The following STAU2 variants were observed in gnomAD, a reference collection of about 807,000 sequenced individuals.
The protein encoded by STAU2 is staufen double-stranded RNA binding protein 2.
In STAU2, 20 loss-of-function variants were observed where a neutral mutation model predicts 65.9. The observed-to-expected ratio is 0.30, with a 90% confidence interval of 0.21 to 0.44. The LOEUF (loss-of-function observed/expected upper bound fraction) is 0.44, where lower values mean the gene tolerates loss of function less well. Among genes scored for constraint, STAU2 ranks in the 20% least tolerant of loss-of-function variants. STAU2 has a pLI of 1.00. For synonymous variants in STAU2, 232 were observed against 233.9 expected, an observed-to-expected ratio of 0.99 and a Z score of 0.07; for missense variants, 558 against 683.9, an observed-to-expected ratio of 0.82 and a Z score of 2.05.
intron 6 of STAU2, among the ~76,000 whole-genome samples, chr8:73,640,964 TA>T (rs952107736): frequency 1.3e-4 from 19 of 151,710 alleles, no homozygotes; most frequent in African/African-American, 4.4e-4. Context: ...AAAGAAGCAA[TA>T]AAAAAAACAG....
chr8:73,611,794 T>C (rs1047937322), intron 9 of STAU2, among the ~76,000 whole-genome samples: 2 of 152,118 alleles, frequency 1.3e-5, no homozygotes, highest in African/African-American at 2.4e-5. Flanking sequence ...TTCTCATGCC[T>C]CAGCCTCCTG....
intron 13 of STAU2, among the ~76,000 whole-genome samples, chr8:73,430,500 G>A (rs1056637124): frequency 5.9e-5 from 9 of 152,106 alleles, no homozygotes; most frequent in Admixed American, 5.2e-4. Context: ...ATTAAAGAAC[G>A]CTATGGAAAG....
chr8:73,486,499 C>G (rs1820913357), intron 13 of STAU2, among the ~76,000 whole-genome samples: 1 of 151,562 alleles, frequency 6.6e-6, no homozygotes, highest in Admixed American at 6.6e-5. Flanking sequence ...ATACTTCAGA[C>G]TGGTTTTGCA....
chr8:73,658,935 A>AACAAC (rs1181853768), intron 6 of STAU2, among the ~76,000 whole-genome samples: 15 of 36,684 alleles, frequency 4.1e-4, no homozygotes, highest in African/African-American at 6.8e-4. Context: ...CAACAACAAC[A>AACAAC]AAAACAACAA....
chr8:73,668,582 A>G (rs1817409825), intron 6 of STAU2, among the ~76,000 whole-genome samples: 2 of 152,244 alleles, frequency 1.3e-5, no homozygotes, highest in Non-Finnish European at 2.9e-5. Flanking sequence ...GAACAAAAGC[A>G]CGAAGTGTTC....
At chr8:73,546,309 AGT>A (rs1354840222) in intron 13 of STAU2, among the ~76,000 whole-genome samples, 62 of 151,820 alleles carry the variant, frequency 4.1e-4, no homozygotes, top group African/African-American at 1.5e-3. Flanking sequence ...TTGTATATAT[AGT>A]TGAGGGCAGA....
chr8:73,588,939 G>T (rs1390192497), intron 11 of STAU2, among the ~76,000 whole-genome samples: 1 of 151,792 alleles, frequency 6.6e-6, no homozygotes, highest in African/African-American at 2.4e-5. Flanking sequence ...AAAAAATCAA[G>T]AACTATGACA....
chr8:73,533,386 TAA>T (rs1805956831), intron 13 of STAU2, among the ~76,000 whole-genome samples: 1 of 152,224 alleles, frequency 6.6e-6, no homozygotes, highest in African/African-American at 2.4e-5. Flanking sequence ...ACTTTTAAGA[TAA>T]GTTTCCTAGT....
chr8:73,471,495 A>G (rs1413027695), intron 13 of STAU2, among the ~76,000 whole-genome samples: 5 of 144,776 alleles, frequency 3.5e-5, no homozygotes, highest in Non-Finnish European at 7.5e-5. Flanking sequence ...GCCTCATATT[A>G]TAATTCTTGA....
intron 13 of STAU2, chr8:73,440,358 CAT>C (rs1818047373): frequency 6.6e-6 from 1 of 152,204 alleles, no homozygotes; most frequent in African/African-American, 2.4e-5. Flanking sequence ...TTAGATGTCT[CAT>C]AAGCATTTCA....
At chr8:73,718,133 T>C (rs1821385190) in intron 3 of STAU2, among the ~76,000 whole-genome samples, 1 of 152,230 alleles carries the variant, frequency 6.6e-6, no homozygotes, top group East Asian at 1.9e-4. Context: ...TGCTGACATT[T>C]TTGTGAACTG....
intron 3 of STAU2, among the ~76,000 whole-genome samples, chr8:73,734,479 T>C (rs778731659): frequency 1.3e-5 from 2 of 152,132 alleles, no homozygotes; most frequent in Non-Finnish European, 2.9e-5. Context: ...TAGTAACACA[T>C]ATGGAAGAAT....
At chr8:73,641,750 T>C (rs989894326) in intron 6 of STAU2, among the ~76,000 whole-genome samples, 13 of 152,344 alleles carry the variant, frequency 8.5e-5, no homozygotes, top group African/African-American at 3.1e-4. Context: ...GTCATACTTA[T>C]TAACATCCAA....
At chr8:73,481,506 AAC>A (rs1394927179) in intron 13 of STAU2, among the ~76,000 whole-genome samples, 1 of 74,798 alleles carries the variant, frequency 1.3e-5, no homozygotes, top group African/African-American at 5.5e-5. Flanking sequence ...AAGCCAAAAA[AAC>A]AAAAAAACAA....
chr8:73,631,567 T>C (rs1242866917), intron 6 of STAU2, among the ~76,000 whole-genome samples: 1 of 152,190 alleles, frequency 6.6e-6, no homozygotes, highest in African/African-American at 2.4e-5. Flanking sequence ...GTAAAGGCCA[T>C]TTATTTACAT....
chr8:73,728,556 TAA>T (rs1269902040), intron 3 of STAU2, among the ~76,000 whole-genome samples: 1 of 152,126 alleles, frequency 6.6e-6, no homozygotes, highest in Non-Finnish European at 1.5e-5. Flanking sequence ...AACGGCAATG[TAA>T]AGTCTTCCAA....
intron 13 of STAU2, among the ~76,000 whole-genome samples, chr8:73,510,697 T>A (rs531087675): frequency 1.3e-5 from 2 of 152,070 alleles, no homozygotes; most frequent in Non-Finnish European, 2.9e-5. Flanking sequence ...GAAGAATGAG[T>A]GCCCAGTGAA....
At chr8:73,439,048 T>A (rs1214708840) in intron 13 of STAU2, 5 of 456,700 alleles carry the variant, frequency 1.1e-5, no homozygotes, top group Non-Finnish European at 1.3e-5. Flanking sequence ...CCATGGGAAT[T>A]AACTGATGGA....
At chr8:73,486,069 C>T (rs1361017080) in intron 13 of STAU2, among the ~76,000 whole-genome samples, 1 of 152,104 alleles carries the variant, frequency 6.6e-6, no homozygotes, top group Non-Finnish European at 1.5e-5. Context: ...GAGGGAACAA[C>T]ATAGAGGCCA....
Sources: allele counts gnomAD v4.1 joint callset (sites outside exome capture counted in the v4.1 genomes callset), GRCh38; gene constraint gnomAD v4.1.1; transcripts MANE v1.5; gene names NCBI Gene and HGNC (gene_info 2026-07-23, HGNC 2026-07-21).